The following MAGI2 variants were observed in gnomAD, a reference collection of about 807,000 sequenced individuals.
MAGI2 encodes the protein membrane-associated guanylate kinase, WW and PDZ domain-containing protein 2.
Under a neutral mutation model 133.3 loss-of-function variants are expected in MAGI2, and 35 were observed. That is an observed-to-expected ratio of 0.26 (90% confidence interval 0.20 to 0.35). The LOEUF is 0.35. Ranked by LOEUF, MAGI2 falls within the 10% of genes least tolerant of loss-of-function variation. MAGI2 has a pLI of 1.00. For missense variants in MAGI2, 1,636 were observed against 1,863.4 expected, an observed-to-expected ratio of 0.88 and a Z score of 2.25; for synonymous variants, 729 against 710.6, an observed-to-expected ratio of 1.03 and a Z score of -0.41.
chr7:78,941,352 G>C (rs1800951318), intron 2 of MAGI2, among the ~76,000 whole-genome samples: 1 of 152,056 alleles, frequency 6.6e-6, no homozygotes, highest in Non-Finnish European at 1.5e-5. Flanking sequence ...ATTTCTTTTT[G>C]TATTTATTTA....
chr7:78,350,140 C>T (rs1791353874), intron 7 of MAGI2: 1 of 152,174 alleles, frequency 6.6e-6, no homozygotes, highest in African/African-American at 2.4e-5. Context: ...GGAAAGACTA[C>T]TGATGAGAGA....
At chr7:79,282,729 C>G (rs1835745684) in intron 1 of MAGI2, among the ~76,000 whole-genome samples, 1 of 151,936 alleles carries the variant, frequency 6.6e-6, no homozygotes, top group South Asian at 2.1e-4. Context: ...GAAAGATGAT[C>G]TTATATAGAT....
chr7:78,200,690 A>G (rs1050271929), intron 11 of MAGI2, among the ~76,000 whole-genome samples: 1 of 152,190 alleles, frequency 6.6e-6, no homozygotes, highest in Admixed American at 6.5e-5. Context: ...ACATATATAT[A>G]CACATGACAC....
At chr7:78,984,713 C>T (rs1452607211) in intron 2 of MAGI2, among the ~76,000 whole-genome samples, 1 of 151,838 alleles carries the variant, frequency 6.6e-6, no homozygotes. Flanking sequence ...ACTACCCCAC[C>T]CACACACACT....
chr7:79,163,918 AT>A (rs1311419354), intron 1 of MAGI2, among the ~76,000 whole-genome samples: 1 of 151,936 alleles, frequency 6.6e-6, no homozygotes, highest in Non-Finnish European at 1.5e-5. Flanking sequence ...CTGATCCAGG[AT>A]TTTTTCTTCT....
At chr7:79,049,667 G>A (rs1180779115) in intron 1 of MAGI2, among the ~76,000 whole-genome samples, 3 of 150,658 alleles carry the variant, frequency 2.0e-5, no homozygotes, top group Non-Finnish European at 4.4e-5. Flanking sequence ...TTCTAAAATC[G>A]GCCTTGTTAT....
intron 1 of MAGI2, among the ~76,000 whole-genome samples, chr7:79,358,373 C>G (rs1842162709): frequency 6.6e-6 from 1 of 152,048 alleles, no homozygotes; most frequent in Admixed American, 6.6e-5. Flanking sequence ...GATGCTTTCT[C>G]CAAAGCATCC....
chr7:78,442,386 C>G (rs969305965), intron 6 of MAGI2, among the ~76,000 whole-genome samples: 1 of 152,146 alleles, frequency 6.6e-6, no homozygotes, highest in African/African-American at 2.4e-5. Context: ...AATAAACTAC[C>G]CATATACACT....
At chr7:78,782,898 A>C (rs1055239463) in intron 2 of MAGI2, among the ~76,000 whole-genome samples, 4 of 151,992 alleles carry the variant, frequency 2.6e-5, no homozygotes, top group Non-Finnish European at 5.9e-5. Flanking sequence ...TCTTTTGGGA[A>C]CTTTAAGAAT....
intron 1 of MAGI2, among the ~76,000 whole-genome samples, chr7:79,234,563 C>T (rs961669119): frequency 2.0e-5 from 3 of 152,088 alleles, no homozygotes; most frequent in Admixed American, 6.5e-5. Context: ...ATTGCTGACA[C>T]CCTTTCTTCC....
At chr7:78,154,952 G>T (rs535609374) in intron 16 of MAGI2, among the ~76,000 whole-genome samples, 1 of 152,254 alleles carries the variant, frequency 6.6e-6, no homozygotes, top group Admixed American at 6.5e-5. Flanking sequence ...TAGGCTACCT[G>T]AGTCTTCTCT....
chr7:78,642,023 C>T lies in MAGI2; in HGVS notation c.419-14784G>A, dbSNP rs570063171. 2.1e-4 allele frequency among the ~76,000 whole-genome samples: 32 copies of T among 152,168 alleles called. No individual in the cohort carries two copies. The South Asian group carries it at 5.8e-3, about 28-fold the overall frequency. On this transcript the variant is annotated intron_variant, in intron 2 of 21. Transcript: ENST00000354212. ...CCATTTTAGGGTATAATTATATAAG[C>T]AAATCTTCTGTGTGCTAAGGAATTT...
At position 78,290,603 on chromosome 7, in the gene MAGI2, T is replaced by C. The variant is rs190240782; in HGVS notation, c.1409-34022A>G. On this transcript the variant is annotated intron_variant, in intron 9 of 21. Coordinates refer to ENST00000354212, the MANE Select transcript of MAGI2 (RefSeq NM_012301.4). ...CTGCACCAAGCAGACCTAATAGACA[T>C]CTACAGAACTCTCCACCCCAAATCA... Among the ~76,000 whole-genome samples the C allele has an allele frequency of 3.4e-3, 522 of 152,280 alleles. 4 individuals carry two copies. Among genetic ancestry groups the C allele is most frequent in the African/African-American group, 0.012 (486 of 41,558 alleles).
At chr7:78,097,715 T>G (rs529850027) in intron 20 of MAGI2, among the ~76,000 whole-genome samples, 9 of 152,216 alleles carry the variant, frequency 5.9e-5, no homozygotes, top group African/African-American at 2.2e-4. Flanking sequence ...TATTGGGTAC[T>G]GGGCTTAATT....
chr7:78,031,884 C>T (rs1809607498), intron 21 of MAGI2, among the ~76,000 whole-genome samples: 1 of 152,114 alleles, frequency 6.6e-6, no homozygotes, highest in African/African-American at 2.4e-5. Context: ...ATCTCTTCGT[C>T]TCCTCTGTAA....
chr7:79,422,496 T>C (rs1238329536), intron 1 of MAGI2, among the ~76,000 whole-genome samples: 1 of 151,980 alleles, frequency 6.6e-6, no homozygotes, highest in East Asian at 1.9e-4. Flanking sequence ...ATGTAAAATG[T>C]CAGAAATATA....
intron 2 of MAGI2, among the ~76,000 whole-genome samples, chr7:78,961,815 C>T (rs1283271207): frequency 6.6e-6 from 1 of 151,958 alleles, no homozygotes; most frequent in Non-Finnish European, 1.5e-5. Context: ...GTAGTTGATA[C>T]TGTCATTGTG....
chr7:78,046,710 C>T (rs1221710334), intron 21 of MAGI2, among the ~76,000 whole-genome samples: 3 of 152,020 alleles, frequency 2.0e-5, no homozygotes, highest in Non-Finnish European at 4.4e-5. Context: ...AAAAACCCAG[C>T]GTTAGTTATG....
intron 3 of MAGI2, among the ~76,000 whole-genome samples, chr7:78,551,271 G>A (rs889357736): frequency 2.6e-5 from 4 of 152,160 alleles, no homozygotes; most frequent in Admixed American, 6.5e-5. Flanking sequence ...TGTTTAAATG[G>A]CTGTGGTTAA....
Sources: allele counts gnomAD v4.1 joint callset (sites outside exome capture counted in the v4.1 genomes callset), GRCh38; gene constraint gnomAD v4.1.1; transcripts MANE v1.5; gene names NCBI Gene and HGNC (gene_info 2026-07-23, HGNC 2026-07-21).